Variants in LRRIQ1 observed in about 807,000 individuals in gnomAD.
LRRIQ1 encodes leucine rich repeats and IQ motif containing 1, also known as leucine-rich repeat- and IQ domain-containing protein 1.
A neutral mutation model predicts 211.9 loss-of-function variants in LRRIQ1; 210 were observed. The observed-to-expected ratio is 0.99, with a 90% CI of 0.89 to 1.11. LRRIQ1 has a LOEUF of 1.11. LRRIQ1 is among the 50% of genes most tolerant of loss of function. The pLI is 0.00. For missense variants in LRRIQ1, 2,136 were observed against 1,939.5 expected (o/e 1.10, Z -1.90); for synonymous variants, 699 against 650.1 (o/e 1.08, Z -1.14).
In LRRIQ1 at chr12:85,056,165, A is replaced by G. The variant is rs1239650105; in HGVS notation, c.1372A>G (p.Lys458Glu). The change falls in exon 8 of 27, where the codon AAA becomes GAA. Residue 458 changes from lysine to glutamate, a missense_variant. Physicochemically the swap from Lys to Glu is moderately conservative, Grantham distance 56. Coordinates refer to ENST00000393217, the MANE Select transcript of LRRIQ1 (RefSeq NM_001079910.2). ...KENVDRQTIL[K>E]ESIQVKLKES... is the part of the protein sequence containing the mutation. ...AAATGTAGATAGACAGACTATATTA[A>G]AAGAATCAATACAAGTAAAGTTAAA... 1 of 1,592,616 alleles carries G rather than the reference A, an allele frequency of 6.3e-7. No individual in the cohort carries two copies.
intron 24 of LRRIQ1, among the ~76,000 whole-genome samples, chr12:85,169,191 A>G (rs947540039): frequency 1.3e-5 from 2 of 152,194 alleles, no homozygotes; most frequent in African/African-American, 2.4e-5. Flanking sequence ...ATCAGTAGAA[A>G]TCTGCCTGCA....
At chr12:85,127,763 C>T in intron 17 of LRRIQ1, 69 bp from the exon 18 acceptor site, 1 of 1,301,582 alleles carries the variant, frequency 7.7e-7, no homozygotes, top group South Asian at 1.3e-5. Flanking sequence ...TTTAGGAGGA[C>T]CTTTTATCTA....
chr12:85,148,464 T>C (rs1448380564), intron 19 of LRRIQ1, among the ~76,000 whole-genome samples: 1 of 152,022 alleles, frequency 6.6e-6, no homozygotes, highest in Non-Finnish European at 1.5e-5. Flanking sequence ...CCCATGTCCC[T>C]GCAAAGGACA....
chr12:85,154,195 C>A, intron 23 of LRRIQ1, 101 bp downstream of exon 23: 1 of 562,232 alleles, frequency 1.8e-6, no homozygotes, highest in Non-Finnish European at 2.8e-6. Flanking sequence ...GAACAGTAAT[C>A]AATTCACAGA....
chr12:85,215,781 T>C (rs963839728), intron 24 of LRRIQ1, among the ~76,000 whole-genome samples: 2 of 152,022 alleles, frequency 1.3e-5, no homozygotes, highest in African/African-American at 2.4e-5. Context: ...TAGTGAAATA[T>C]ACAGTACAGC....
chr12:85,192,766 A>C (rs1892625869), intron 24 of LRRIQ1, among the ~76,000 whole-genome samples: 1 of 104,084 alleles, frequency 9.6e-6, no homozygotes, highest in African/African-American at 4.0e-5. Flanking sequence ...ATATAGTTAT[A>C]TACTATAATT....
At chr12:85,117,680 T>A (rs137983368) in intron 15 of LRRIQ1, among the ~76,000 whole-genome samples, 73 of 152,160 alleles carry the variant, frequency 4.8e-4, no homozygotes, top group African/African-American at 1.7e-3. Flanking sequence ...ATGTTTAGTC[T>A]TCTAATTTAG....
At position 85,153,016 on chromosome 12, in the gene LRRIQ1, G is replaced by T. The variant is rs1346571399; in HGVS notation, c.4420-8G>T. 6 of 1,525,820 alleles carry T rather than the reference G, an allele frequency of 3.9e-6. No individual in the cohort carries two copies. The highest frequency in any genetic ancestry group is 3.9e-5 in the Admixed American group (2 of 51,036). The allele number at this position is 1,525,820 out of a possible 1,614,324, so 94.5% of individuals were successfully genotyped here. A position where few individuals can be genotyped will look rare whatever the true frequency, so the allele number is the denominator to read the frequency against. The stretch of plus-strand genomic sequence containing the variant: ...TACTTCACACTTATTTACTTTTTTT[G>T]TGAAAAGATTCCTGGAAACTTAAAA... On this transcript the variant is annotated splice_polypyrimidine_tract_variant and splice_region_variant and intron_variant, in intron 20 of 26. Coordinates refer to ENST00000393217, the MANE Select transcript of LRRIQ1 (RefSeq NM_001079910.2).
chr12:85,056,791 T>C lies in LRRIQ1; in HGVS notation c.1998T>C (p.Asn666=). ...TTAACACAACTGATACCATGATAAATATAGAAGGCAAAAGAAATGACCAAG... is the reference window on the plus strand; with the variant it reads ...TTAACACAACTGATACCATGATAAACATAGAAGGCAAAAGAAATGACCAAG... ...VIFNTTDTMI[N]IEGKRNDQDY... The change falls in exon 8 of 27, where the codon AAT becomes AAC. Residue 666 remains asparagine, a synonymous_variant. Coordinates refer to ENST00000393217, the MANE Select transcript of LRRIQ1 (RefSeq NM_001079910.2). 1 of 1,609,990 alleles carries C rather than the reference T, an allele frequency of 6.2e-7. No homozygotes were observed. The highest frequency in any genetic ancestry group is 8.5e-7 in the Non-Finnish European group (1 of 1,178,710).
intron 13 of LRRIQ1, among the ~76,000 whole-genome samples, chr12:85,103,163 G>A (rs527786317): frequency 6.7e-6 from 1 of 150,140 alleles, no homozygotes; most frequent in Non-Finnish European, 1.5e-5. Flanking sequence ...TTCCAATGAC[G>A]TGGGTATTTT....
At chr12:85,238,660 A>G (rs1003504012) in intron 26 of LRRIQ1, among the ~76,000 whole-genome samples, 8 of 152,098 alleles carry the variant, frequency 5.3e-5, no homozygotes, top group African/African-American at 1.7e-4. Context: ...CATTATCTCA[A>G]TATATGCAGA....
At chr12:85,118,513 T>TTC (rs1887739030) in intron 15 of LRRIQ1, among the ~76,000 whole-genome samples, 1 of 151,272 alleles carries the variant, frequency 6.6e-6, no homozygotes, top group Admixed American at 6.6e-5. Context: ...TTTTTTTTTT[T>TTC]TTGCTTTTAT....
At chr12:85,212,079 C>A (rs1028897620) in intron 24 of LRRIQ1, among the ~76,000 whole-genome samples, 1 of 151,876 alleles carries the variant, frequency 6.6e-6, no homozygotes, top group African/African-American at 2.4e-5. Flanking sequence ...CTAGCCAGGG[C>A]AACATGGCAA....
At chr12:85,045,938 A>C in intron 4 of LRRIQ1, 82 bp from the exon 5 acceptor site, 1 of 650,740 alleles carries the variant, frequency 1.5e-6, no homozygotes, top group Non-Finnish European at 2.6e-6. Context: ...TATACATATA[A>C]ATATTTAATG....
At chr12:85,149,103 C>T (rs1341087764) in intron 19 of LRRIQ1, among the ~76,000 whole-genome samples, 1 of 151,956 alleles carries the variant, frequency 6.6e-6, no homozygotes, top group Non-Finnish European at 1.5e-5. Flanking sequence ...TGTAGGTTGC[C>T]TGTTCACTCT....
chr12:85,247,620 G>A (rs181204608), downstream of LRRIQ1, among the ~76,000 whole-genome samples: 95 of 151,572 alleles, frequency 6.3e-4, 1 homozygote, highest in East Asian at 0.017. Flanking sequence ...GTTTTAGTGA[G>A]GAAAAATTGA....
At chr12:85,095,430 G>A (rs571470597) in intron 11 of LRRIQ1, among the ~76,000 whole-genome samples, 2 of 152,220 alleles carry the variant, frequency 1.3e-5, no homozygotes, top group African/African-American at 4.8e-5. Flanking sequence ...TGATTTGCAT[G>A]TATTAAAACA....
chr12:85,237,720 C>A (rs977492529), intron 26 of LRRIQ1, among the ~76,000 whole-genome samples: 2 of 152,044 alleles, frequency 1.3e-5, no homozygotes, highest in Non-Finnish European at 2.9e-5. Context: ...TCTAGATCCA[C>A]ATAGTAAAAC....
intron 24 of LRRIQ1, among the ~76,000 whole-genome samples, chr12:85,212,546 GTAA>G (rs1365057127): frequency 2.0e-5 from 3 of 151,404 alleles, no homozygotes; most frequent in Non-Finnish European, 2.9e-5. Flanking sequence ...ATTAATAACA[GTAA>G]TAATATGAAA....
Sources: gnomAD v4.1 joint callset for allele counts (sites outside exome capture counted in the v4.1 genomes callset) on GRCh38, gnomAD v4.1.1 for gene constraint, MANE v1.5 for transcripts, NCBI Gene and HGNC (gene_info 2026-07-23, HGNC 2026-07-21) for gene names.